Variants in EXOC6 observed in about 807,000 individuals in gnomAD.
The protein encoded by EXOC6 is exocyst complex component 6.
In EXOC6, 60 loss-of-function variants were observed where a neutral mutation model predicts 112.5. That is an observed-to-expected ratio of 0.53 (90% CI 0.43 to 0.66). The LOEUF is 0.66. Ranked by LOEUF, EXOC6 falls within the 30% of genes least tolerant of loss-of-function variation. EXOC6 has a pLI of 0.00. For synonymous variants in EXOC6, 295 were observed against 308.0 expected (o/e 0.96, Z 0.44); for missense variants, 855 against 957.1 (o/e 0.89, Z 1.41).
chr10:92,931,542 C>T (rs1015661692), intron 9 of EXOC6, among the ~76,000 whole-genome samples: 1 of 151,218 alleles, frequency 6.6e-6, no homozygotes, highest in African/African-American at 2.4e-5. Context: ...TGTTTATTTG[C>T]CATCAGTTTA....
intron 8 of EXOC6, among the ~76,000 whole-genome samples, chr10:92,922,838 A>T (rs1337634359): frequency 3.9e-5 from 6 of 152,190 alleles, no homozygotes; most frequent in Admixed American, 2.6e-4. Flanking sequence ...TCTGATGAAT[A>T]CCAAATATAG....
chr10:92,861,298 T>C (rs962896487), intron 1 of EXOC6, among the ~76,000 whole-genome samples: 1 of 152,192 alleles, frequency 6.6e-6, no homozygotes, highest in East Asian at 1.9e-4. Flanking sequence ...TGGAGTGATA[T>C]CCTTGCTTTA....
intron 19 of EXOC6, among the ~76,000 whole-genome samples, chr10:93,007,264 A>G (rs74149194): frequency 0.042 from 6,105 of 145,942 alleles, 220 homozygotes; most frequent in East Asian, 0.14. Flanking sequence ...TCCTGAGGGG[A>G]AGGGCCTGTT....
rs60087746 is a variant in EXOC6, at chr10:92,931,115, GAAAAAAA to G, written c.972+2711_972+2717del. On this transcript the variant is annotated intron_variant, in intron 9 of 21. Coordinates refer to ENST00000260762, the MANE Select transcript of EXOC6 (RefSeq NM_019053.6). Reference sequence around the variant, plus strand: ...GACAGAGCAAGACTCCATCTCAGAAGAAAAAAAAAAAAAAAAAAAAAAAAGGAAAGGA... The same window carrying G: ...GACAGAGCAAGACTCCATCTCAGAAGAAAAAAAAAAAAAAAAAGGAAAGGA... Among the ~76,000 whole-genome samples, 13 of 70,604 alleles carry G rather than the reference GAAAAAAA, an allele frequency of 1.8e-4. No homozygotes were observed. In the East Asian group the frequency reaches 2.1e-3, roughly 11 times the overall value. 46.3% of individuals were successfully genotyped at this position (70,604 alleles called of 152,430 possible). A position where few individuals can be genotyped will look rare whatever the true frequency, so the allele number is the denominator to read the frequency against.
chr10:92,887,963 G>A (rs1189978514), intron 1 of EXOC6, among the ~76,000 whole-genome samples: 3 of 152,120 alleles, frequency 2.0e-5, no homozygotes, highest in African/African-American at 4.8e-5. Flanking sequence ...TGGGTGACAC[G>A]TGGGGGTATC....
chr10:93,026,534 A>G (rs535786563), intron 20 of EXOC6, among the ~76,000 whole-genome samples: 8 of 152,312 alleles, frequency 5.3e-5, no homozygotes, highest in Admixed American at 4.6e-4. Flanking sequence ...TACAAATCTA[A>G]GGTTTGTGAT....
At chr10:93,019,186 C>A (rs369020293) in intron 20 of EXOC6, among the ~76,000 whole-genome samples, 4 of 152,204 alleles carry the variant, frequency 2.6e-5, no homozygotes, top group African/African-American at 4.8e-5. Context: ...CACCATGTTG[C>A]CCAGGCTAAT....
intron 1 of EXOC6, among the ~76,000 whole-genome samples, chr10:92,876,257 G>A (rs1848682896): frequency 6.6e-6 from 1 of 152,032 alleles, no homozygotes; most frequent in African/African-American, 2.4e-5. Context: ...TTCATTCCTG[G>A]AGATAAAAGT....
chr10:93,052,186 A>G lies in EXOC6; in HGVS notation c.2170-4738A>G, dbSNP rs542941147. On this transcript the variant is annotated intron_variant, in intron 20 of 21. Coordinates refer to ENST00000260762, the MANE Select transcript of EXOC6 (RefSeq NM_019053.6). Reference sequence around the variant, plus strand: ...CCTGGCACTGTGGGTTCACTTTTAAAAAGGCAAAAAGTCACTTCAAGAGTT... The same window carrying G: ...CCTGGCACTGTGGGTTCACTTTTAAGAAGGCAAAAAGTCACTTCAAGAGTT... Among the ~76,000 whole-genome samples, 12 of 152,380 alleles carry G rather than the reference A, an allele frequency of 7.9e-5. No homozygotes were observed. In the South Asian group the frequency reaches 2.3e-3, roughly 29 times the overall value.
chr10:92,851,908 A>G (rs1034588590), intron 1 of EXOC6, among the ~76,000 whole-genome samples: 1 of 152,084 alleles, frequency 6.6e-6, no homozygotes, highest in African/African-American at 2.4e-5. Flanking sequence ...TTGTCTCTAC[A>G]AATACAAAAA....
chr10:92,983,088 G>C (rs955528295), intron 18 of EXOC6, among the ~76,000 whole-genome samples: 3 of 152,060 alleles, frequency 2.0e-5, no homozygotes, highest in African/African-American at 7.2e-5. Context: ...TTGAGATTTG[G>C]GTTTTAGGCT....
chr10:93,032,838 G>A (rs1590077317), intron 20 of EXOC6, among the ~76,000 whole-genome samples: 1 of 152,268 alleles, frequency 6.6e-6, no homozygotes, highest in Non-Finnish European at 1.5e-5. Flanking sequence ...GGTGAGGTGG[G>A]CCACTTCAGA....
intron 1 of EXOC6, among the ~76,000 whole-genome samples, chr10:92,828,639 T>G (rs1321984035): frequency 6.6e-6 from 1 of 150,544 alleles, no homozygotes; most frequent in Non-Finnish European, 1.5e-5. Context: ...CCGCCAGTTT[T>G]TTTTTTTTTT....
chr10:92,935,696 TTATA>T, intron 11 of EXOC6, 114 bp from the exon 12 acceptor site: 1 of 767,108 alleles, frequency 1.3e-6, no homozygotes, highest in Non-Finnish European at 2.1e-6. Flanking sequence ...TTTAAACTTA[TTATA>T]AGTCTGGCAG....
intron 1 of EXOC6, among the ~76,000 whole-genome samples, chr10:92,887,342 A>G (rs1257614877): frequency 1.3e-5 from 2 of 150,290 alleles, no homozygotes; most frequent in African/African-American, 4.9e-5. Context: ...ATTACTTTTT[A>G]TCAACGTAAG....
At chr10:93,047,270 C>T (rs1846040856) in intron 20 of EXOC6, among the ~76,000 whole-genome samples, 1 of 152,178 alleles carries the variant, frequency 6.6e-6, no homozygotes, top group Non-Finnish European at 1.5e-5. Flanking sequence ...GGCACGGTGG[C>T]TCACGCCTAT....
chr10:93,048,437 G>A (rs1443460626), intron 20 of EXOC6, among the ~76,000 whole-genome samples: 1 of 151,692 alleles, frequency 6.6e-6, no homozygotes, highest in African/African-American at 2.4e-5. Flanking sequence ...AGTGGCTCAC[G>A]CCTGTAATCC....
intron 18 of EXOC6, among the ~76,000 whole-genome samples, chr10:92,994,672 C>T (rs372021432): frequency 2.6e-5 from 4 of 151,778 alleles, no homozygotes; most frequent in Admixed American, 1.3e-4. Flanking sequence ...AAAACTAGAG[C>T]GTCTCTAATG....
At chr10:92,861,794 T>G (rs537225673) in intron 1 of EXOC6, among the ~76,000 whole-genome samples, 2 of 152,234 alleles carry the variant, frequency 1.3e-5, no homozygotes, top group East Asian at 3.8e-4. Flanking sequence ...TTTTCCTGTA[T>G]GCTCTTAGGA....
Sources: gnomAD v4.1 joint callset for allele counts (sites outside exome capture counted in the v4.1 genomes callset) on GRCh38, gnomAD v4.1.1 for gene constraint, MANE v1.5 for transcripts, NCBI Gene and HGNC (gene_info 2026-07-23, HGNC 2026-07-21) for gene names.